Variants in PAPSS1 observed in about 807,000 individuals in gnomAD.
PAPSS1 encodes the protein 3'-phosphoadenosine 5'-phosphosulfate synthase 1, also known as bifunctional 3'-phosphoadenosine 5'-phosphosulfate synthase 1.
In PAPSS1, 50 loss-of-function variants were observed where a neutral mutation model predicts 72.0. The ratio of observed to expected loss-of-function variants is 0.69; its 90% CI spans 0.55 to 0.88. The LOEUF (loss-of-function observed/expected upper bound fraction) is 0.88, where lower values mean the gene tolerates loss of function less well. PAPSS1 is among the 40% of genes least tolerant of loss of function. PAPSS1 has a pLI of 0.00. For missense variants in PAPSS1, 657 were observed against 782.2 expected, an observed-to-expected ratio of 0.84 and a Z score of 1.91; for synonymous variants, 261 against 263.6, an observed-to-expected ratio of 0.99 and a Z score of 0.09.
intron 7 of PAPSS1, 53 bp downstream of exon 7, chr4:107,656,843 C>A: frequency 8.2e-7 from 1 of 1,221,552 alleles, no homozygotes; most frequent in South Asian, 1.2e-5. Flanking sequence ...ATCTCTGCAA[C>A]TATGTAATTT....
chr4:107,618,623 G>A (rs1725883958), intron 11 of PAPSS1, among the ~76,000 whole-genome samples: 2 of 151,990 alleles, frequency 1.3e-5, no homozygotes, highest in Non-Finnish European at 2.9e-5. Context: ...ATGATTTGGT[G>A]TTAGAAAAAG....
chr4:107,678,249 G>A (rs201823265), intron 5 of PAPSS1, among the ~76,000 whole-genome samples: 12 of 68,874 alleles, frequency 1.7e-4, no homozygotes, highest in African/African-American at 3.4e-4. Flanking sequence ...AAAAAAATAA[G>A]AGATGGAATT....
chr4:107,681,603 A>T (rs1029988465), intron 5 of PAPSS1, among the ~76,000 whole-genome samples: 5 of 152,148 alleles, frequency 3.3e-5, no homozygotes, highest in Non-Finnish European at 7.3e-5. Flanking sequence ...CCATAAGGAG[A>T]TCATCATGTT....
At chr4:107,689,142 T>C (rs1207927338) in intron 3 of PAPSS1, among the ~76,000 whole-genome samples, 1 of 151,740 alleles carries the variant, frequency 6.6e-6, no homozygotes, top group Non-Finnish European at 1.5e-5. Flanking sequence ...CTCAAAGCCA[T>C]AATCTACACT....
At chr4:107,696,034 C>A (rs1003783121) in intron 2 of PAPSS1, among the ~76,000 whole-genome samples, 2 of 152,132 alleles carry the variant, frequency 1.3e-5, no homozygotes, top group African/African-American at 4.8e-5. Context: ...TCATCTCATG[C>A]CAGTCAGAAT....
chr4:107,698,862 T>TA (rs920262984), intron 2 of PAPSS1, among the ~76,000 whole-genome samples: 2 of 152,016 alleles, frequency 1.3e-5, no homozygotes, highest in African/African-American at 4.8e-5. Context: ...ATTTTTTTTT[T>TA]AACAAGGACT....
intron 10 of PAPSS1, among the ~76,000 whole-genome samples, chr4:107,638,496 C>A (rs1305026388): frequency 6.6e-6 from 1 of 152,134 alleles, no homozygotes; most frequent in Non-Finnish European, 1.5e-5. Context: ...TTGGAAGTGA[C>A]CTTGCCCTGG....
rs1195059796 is a variant in PAPSS1, at chr4:107,687,057, G to A, written c.532C>T (p.Arg178Trp). ...RDVKGLYKKA[R>W]AGEIKGFTGI... Reference sequence around the variant, plus strand: ...TACTGACCTTTAATTTCTCCTGCCCGGGCTTTTTTGTAGAGTCCTTTGACA... The same window carrying A: ...TACTGACCTTTAATTTCTCCTGCCCAGGCTTTTTTGTAGAGTCCTTTGACA... The change falls in exon 4 of 12, where the codon CGG becomes TGG. Residue 178 changes from arginine to tryptophan, a missense_variant. Arg to Trp is a moderately radical substitution (Grantham distance 101, BLOSUM62 -3). Coordinates refer to ENST00000265174, the MANE Select transcript of PAPSS1 (RefSeq NM_005443.5). 3.1e-6 allele frequency: 5 copies of A among 1,594,104 alleles called. No individual in the cohort carries two copies. The highest frequency in any genetic ancestry group is 3.4e-6 in the Non-Finnish European group (4 of 1,173,330).
chr4:107,629,749 A>G (rs1454355518), intron 11 of PAPSS1, among the ~76,000 whole-genome samples: 3 of 152,192 alleles, frequency 2.0e-5, no homozygotes, highest in Admixed American at 2.0e-4. Context: ...GTTTTTTGGG[A>G]TGCTCAAGGC....
At position 107,693,776 on chromosome 4, in the gene PAPSS1, T is replaced by A. The variant is rs759412401; in HGVS notation, c.406A>T (p.Thr136Ser). ...ATGGCACAAAAACCACATACCTGAG[T>A]GTAAGGTGATATGAAACTTGTGATG... ...VCITSFISPY[T>S]QDRNNARQIH... The change falls in exon 3 of 12, where the codon ACT becomes TCT. Residue 136 changes from threonine (T) to serine (S), a missense_variant. Around this residue, in one of 7 missense-constraint regions of PAPSS1, gnomAD observed 119 missense variants for 171.1 expected, o/e 0.70. Transcript: ENST00000265174. 6.2e-7 allele frequency: 1 copy of A among 1,609,284 alleles called. No individual in the cohort carries two copies. Among genetic ancestry groups the A allele is most frequent in the Admixed American group, 1.7e-5 (1 of 59,934 alleles).
intron 10 of PAPSS1, among the ~76,000 whole-genome samples, chr4:107,640,869 T>C (rs372930700): frequency 6.6e-6 from 1 of 152,184 alleles, no homozygotes; most frequent in Non-Finnish European, 1.5e-5. Flanking sequence ...GACAGAGATG[T>C]AGAGGCAGAC....
At chr4:107,636,712 A>T (rs973477221) in intron 10 of PAPSS1, among the ~76,000 whole-genome samples, 1 of 152,176 alleles carries the variant, frequency 6.6e-6, no homozygotes, top group Non-Finnish European at 1.5e-5. Flanking sequence ...GGACAGGAGG[A>T]CCAAATTCAA....
intron 9 of PAPSS1, among the ~76,000 whole-genome samples, chr4:107,652,794 T>G (rs1451411115): frequency 6.6e-6 from 1 of 152,202 alleles, no homozygotes; most frequent in African/African-American, 2.4e-5. Flanking sequence ...ACTTCTGTAA[T>G]TCTATACCAA....
intron 3 of PAPSS1, among the ~76,000 whole-genome samples, chr4:107,688,339 G>T (rs1002803910): frequency 6.6e-6 from 1 of 152,182 alleles, no homozygotes; most frequent in African/African-American, 2.4e-5. Flanking sequence ...AGCTACTTGG[G>T]GAGGCTGAGG....
intron 11 of PAPSS1, among the ~76,000 whole-genome samples, chr4:107,616,708 A>T (rs1430517111): frequency 1.3e-5 from 2 of 152,348 alleles, no homozygotes; most frequent in Non-Finnish European, 2.9e-5. Context: ...ATTTATTCAA[A>T]TGTAACAAAT....
At chr4:107,693,311 T>TA (rs1722989502) in intron 3 of PAPSS1, among the ~76,000 whole-genome samples, 1 of 152,062 alleles carries the variant, frequency 6.6e-6, no homozygotes, top group South Asian at 2.1e-4. Flanking sequence ...TTCAGAGAAA[T>TA]ACACAAACAT....
chr4:107,703,139 C>A (rs1205917042), intron 1 of PAPSS1, among the ~76,000 whole-genome samples: 1 of 152,096 alleles, frequency 6.6e-6, no homozygotes, highest in Non-Finnish European at 1.5e-5. Context: ...TTTTCATATA[C>A]CTGTTGGCTA....
intron 1 of PAPSS1, chr4:107,719,890 G>C (rs1452122278): frequency 6.6e-6 from 9 of 1,354,064 alleles, no homozygotes; most frequent in African/African-American, 4.6e-5. Context: ...ACGAACGGTG[G>C]CTCGGACCGC....
rs1727299685 is a variant in PAPSS1, at chr4:107,665,774, A to G, written c.670-5702T>C. Among the ~76,000 whole-genome samples, 3 of 152,180 alleles carry G rather than the reference A, an allele frequency of 2.0e-5. No homozygotes were observed. The South Asian group carries it at 6.2e-4, about 32-fold the overall frequency. ...GTACCCAGAACGTTGTTTGACTTTG[A>G]CAGTCTAACATCTAACATATGTTGT... On this transcript the variant is annotated intron_variant, in intron 5 of 11. Coordinates refer to ENST00000265174, the MANE Select transcript of PAPSS1 (RefSeq NM_005443.5).
Sources: allele counts gnomAD v4.1 joint callset (sites outside exome capture counted in the v4.1 genomes callset), GRCh38; gene constraint gnomAD v4.1.1; regional missense constraint gnomAD v4.1.1; transcripts MANE v1.5; gene names NCBI Gene and HGNC (gene_info 2026-07-23, HGNC 2026-07-21).